The following ITGA2 variants were observed in gnomAD, a reference collection of about 807,000 sequenced individuals.
ITGA2 encodes the protein integrin alpha-2.
A neutral mutation model predicts 146.3 loss-of-function variants in ITGA2; 101 were observed. That is an observed-to-expected ratio of 0.69 (90% CI 0.59 to 0.81). The LOEUF is 0.81. ITGA2 is among the 40% of genes least tolerant of loss of function. ITGA2 has a pLI of 0.00. For missense variants in ITGA2, 1,281 were observed against 1,402.7 expected (o/e 0.91, Z 1.39); for synonymous variants, 477 against 487.1 (o/e 0.98, Z 0.27).
chr5:53,072,776 G>C (rs1340935401), intron 19 of ITGA2, 81 bp downstream of exon 19: 3 of 1,189,788 alleles, frequency 2.5e-6, no homozygotes, highest in African/African-American at 3.1e-5. Flanking sequence ...AATGTTTATA[G>C]AGTTTTTCTA....
intron 2 of ITGA2, among the ~76,000 whole-genome samples, chr5:53,033,035 A>AGCACTTTG (rs1743306605): frequency 6.6e-6 from 1 of 152,164 alleles, no homozygotes; most frequent in Non-Finnish European, 1.5e-5. Flanking sequence ...TGGGAGGCCA[A>AGCACTTTG]GGCGGGCGGA....
chr5:53,046,963 G>A (rs994435270), intron 4 of ITGA2, among the ~76,000 whole-genome samples: 6 of 151,946 alleles, frequency 3.9e-5, no homozygotes, highest in Non-Finnish European at 7.4e-5. Flanking sequence ...TTTTCAAAGT[G>A]ATTTTAAAAA....
intron 2 of ITGA2, among the ~76,000 whole-genome samples, chr5:53,041,426 C>T (rs3212434): frequency 0.65 from 98,961 of 152,090 alleles, 32,674 homozygotes; most frequent in Non-Finnish European, 0.7. Context: ...AGTATCCTCT[C>T]ATAAAGACAG....
intron 2 of ITGA2, among the ~76,000 whole-genome samples, chr5:53,030,526 G>A (rs1423926129): frequency 6.6e-6 from 1 of 152,158 alleles, no homozygotes; most frequent in Non-Finnish European, 1.5e-5. Flanking sequence ...GACCTGAAGG[G>A]CTGAACCATA....
Position 53,072,671 on chromosome 5 carries a change from A to G in ITGA2, c.2405A>G (p.Asp802Gly). 4 of 1,610,524 alleles carry G rather than the reference A, an allele frequency of 2.5e-6. No individual in the cohort carries two copies. Among genetic ancestry groups the G allele is most frequent in the Non-Finnish European group, 3.4e-6 (4 of 1,178,252 alleles). ...DGLCISDLVLDVRQIPAAQEQ... is the reference protein window; with the variant it reads ...DGLCISDLVLGVRQIPAAQEQ... ...CTTTGCATTTCTGATCTAGTCCTAG[A>G]TGTCCGACAAATACCAGCTGCTCAG... is the stretch of plus-strand genomic sequence containing the variant. Residue 802 changes from aspartate to glycine, a missense_variant, in exon 19 of 30, where the codon GAT (aspartate) becomes GGT (glycine). Coordinates refer to ENST00000296585, the MANE Select transcript of ITGA2 (RefSeq NM_002203.4).
chr5:53,050,034 A>G (rs1218759259), intron 6 of ITGA2, among the ~76,000 whole-genome samples: 3 of 152,168 alleles, frequency 2.0e-5, no homozygotes, highest in Admixed American at 2.0e-4. Flanking sequence ...TTTCCAGGAC[A>G]TTCCGCTAAA....
chr5:53,075,015 T>C, intron 21 of ITGA2, 46 bp from the exon 22 acceptor site: 1 of 1,277,190 alleles, frequency 7.8e-7, no homozygotes. Context: ...CGTTGGCCTC[T>C]GAGTATGAAG....
intron 2 of ITGA2, among the ~76,000 whole-genome samples, chr5:53,038,354 A>G (rs1743598653): frequency 6.6e-6 from 1 of 152,146 alleles, no homozygotes; most frequent in Non-Finnish European, 1.5e-5. Context: ...TATTGTCTGA[A>G]CATACCCTGT....
intron 1 of ITGA2, among the ~76,000 whole-genome samples, chr5:53,015,273 C>A (rs757562520): frequency 6.6e-6 from 1 of 152,142 alleles, no homozygotes; most frequent in Non-Finnish European, 1.5e-5. Flanking sequence ...TTTGCTGTGT[C>A]CCAGAGATTC....
intron 23 of ITGA2, among the ~76,000 whole-genome samples, chr5:53,077,212 C>G (rs1745701727): frequency 6.6e-6 from 1 of 151,992 alleles, no homozygotes; most frequent in Admixed American, 6.6e-5. Context: ...TCAATATTAA[C>G]AAGACATTTG....
chr5:53,012,239 A>G (rs576683750), intron 1 of ITGA2, among the ~76,000 whole-genome samples: 2 of 152,250 alleles, frequency 1.3e-5, no homozygotes, highest in Admixed American at 1.3e-4. Flanking sequence ...AGGTTTGTGG[A>G]TGCATTTGGA....
At chr5:52,993,579 T>C (rs1018038914) in intron 1 of ITGA2, among the ~76,000 whole-genome samples, 11 of 152,152 alleles carry the variant, frequency 7.2e-5, no homozygotes, top group Admixed American at 6.5e-4. Context: ...TTAAATTCCT[T>C]CCGAAGTGGA....
At chr5:53,022,820 A>T (rs775953296) in intron 1 of ITGA2, among the ~76,000 whole-genome samples, 1 of 152,080 alleles carries the variant, frequency 6.6e-6, no homozygotes, top group African/African-American at 2.4e-5. Flanking sequence ...CCTGCCTCAG[A>T]CTCTAAGAAA....
At chr5:53,055,143 A>G (rs1313967104) in intron 7 of ITGA2, among the ~76,000 whole-genome samples, 2 of 152,062 alleles carry the variant, frequency 1.3e-5, no homozygotes, top group African/African-American at 2.4e-5. Flanking sequence ...GTGGATATCT[A>G]TTACTTTTAA....
intron 9 of ITGA2, 99 bp downstream of exon 9, chr5:53,056,248 G>A: frequency 2.0e-6 from 2 of 1,011,990 alleles, no homozygotes; most frequent in South Asian, 2.9e-5. Context: ...TGTATACCAT[G>A]TATAAAAAGA....
At chr5:53,016,258 C>A (rs1742395565) in intron 1 of ITGA2, among the ~76,000 whole-genome samples, 1 of 152,152 alleles carries the variant, frequency 6.6e-6, no homozygotes, top group South Asian at 2.1e-4. Context: ...CCCTTAAGGA[C>A]CTCCTGTAAG....
chr5:53,028,957 T>G (rs948570791), intron 2 of ITGA2, among the ~76,000 whole-genome samples: 3 of 152,180 alleles, frequency 2.0e-5, no homozygotes, highest in African/African-American at 7.2e-5. Flanking sequence ...CTGTCTTTGC[T>G]CTAGCCAGTG....
At chr5:52,999,406 A>T (rs1741456583) in intron 1 of ITGA2, among the ~76,000 whole-genome samples, 1 of 152,162 alleles carries the variant, frequency 6.6e-6, no homozygotes, top group African/African-American at 2.4e-5. Flanking sequence ...CTTGGGTTTC[A>T]TTTTACTCTA....
intron 2 of ITGA2, among the ~76,000 whole-genome samples, chr5:53,039,353 A>T (rs1018992500): frequency 6.6e-6 from 1 of 152,228 alleles, no homozygotes; most frequent in South Asian, 2.1e-4. Context: ...GCAGAGGCTG[A>T]GAAAGGAACA....
Sources: gnomAD v4.1 joint callset for allele counts (sites outside exome capture counted in the v4.1 genomes callset) on GRCh38, gnomAD v4.1.1 for gene constraint, MANE v1.5 for transcripts, NCBI Gene and HGNC (gene_info 2026-07-23, HGNC 2026-07-21) for gene names.